EXD3: variants seen among roughly 807,000 people sequenced by gnomAD.
The protein encoded by EXD3 is exonuclease 3'-5' domain containing 3.
In EXD3, 92 loss-of-function variants were observed where a neutral mutation model predicts 98.0. The observed-to-expected ratio is 0.94, with a 90% CI of 0.79 to 1.12. The LOEUF (loss-of-function observed/expected upper bound fraction) is 1.12, where lower values mean the gene tolerates loss of function less well. EXD3 is among the 50% of genes most tolerant of loss of function. The pLI, the probability that EXD3 is intolerant of heterozygous loss-of-function variation, is 0.00. For synonymous variants in EXD3, 569 were observed against 526.0 expected (o/e 1.08, Z -1.12); for missense variants, 1,222 against 1,191.6 (o/e 1.03, Z -0.38).
chr9:137,310,581 G>C (rs1831305989), intron 19 of EXD3, among the ~76,000 whole-genome samples: 1 of 152,202 alleles, frequency 6.6e-6, no homozygotes, highest in Non-Finnish European at 1.5e-5. Flanking sequence ...GATGCTGGGG[G>C]TGGGGGCAGG....
At chr9:137,365,916 CAT>C in intron 7 of EXD3, 3 of 420,476 alleles carry the variant, frequency 7.1e-6, no homozygotes, top group South Asian at 3.7e-5. Flanking sequence ...CATGCACACA[CAT>C]GCACACCTAC....
intron 1 of EXD3, among the ~76,000 whole-genome samples, chr9:137,421,229 C>T (rs1343854076): frequency 1.3e-5 from 2 of 152,208 alleles, no homozygotes; most frequent in African/African-American, 4.8e-5. Flanking sequence ...AGCACATTAC[C>T]TGTCTGATGT....
chr9:137,307,216 AGGGGCGGTCATAGGTGCAG>A lies in EXD3; in HGVS notation c.2346_2364del (p.Cys783AlafsTer33). ...AGGTCAGCCATCTGCAGCCAGCGGC[AGGGGCGGTCATAGGTGCAG>A]CCCTCAGGGGCTGCGTCTGGGGCTG... On this transcript the variant is annotated frameshift_variant, in exon 22 of 22. Coordinates refer to ENST00000340951, the MANE Select transcript of EXD3 (RefSeq NM_017820.5). LOFTEE classifies it low-confidence loss of function (END_TRUNC). The A allele has an allele frequency of 1.3e-6, 2 of 1,574,798 alleles. No homozygotes were observed. The highest frequency in any genetic ancestry group is 1.7e-6 in the Non-Finnish European group (2 of 1,160,418).
At position 137,422,112 on chromosome 9, in the gene EXD3, TAAAAAAAAA is replaced by T. The variant is rs35073810; in HGVS notation, c.-48+993_-48+1001del. Among the ~76,000 whole-genome samples, 96 of 119,478 alleles carry T rather than the reference TAAAAAAAAA, an allele frequency of 8.0e-4. 1 individual carries two copies. The highest frequency in any genetic ancestry group is 2.8e-3 in the African/African-American group (91 of 32,266). The allele number at this position is 119,478 out of a possible 152,430, so 78.4% of individuals were successfully genotyped here. A position where few individuals can be genotyped will look rare whatever the true frequency, so the allele number is the denominator to read the frequency against. On this transcript the variant is annotated intron_variant, in intron 1 of 21. Transcript: ENST00000340951. ...ATTCCAATTCAGTTTGTGGTGTTCT[TAAAAAAAAA>T]AAAAAAAAAAAAACTCCCTGAAATG...
chr9:137,318,588 A>G (rs774286820), intron 19 of EXD3, among the ~76,000 whole-genome samples: 4 of 151,824 alleles, frequency 2.6e-5, no homozygotes, highest in Admixed American at 6.5e-5. Flanking sequence ...ATATTTTCCC[A>G]TGGTAGACGG....
chr9:137,341,206 A>G (rs1364515538), intron 17 of EXD3, among the ~76,000 whole-genome samples: 1 of 152,188 alleles, frequency 6.6e-6, no homozygotes, highest in Non-Finnish European at 1.5e-5. Context: ...GTTCCTGGCT[A>G]CTCAGGAGGC....
At chr9:137,415,652 T>C (rs1009629048) in intron 1 of EXD3, among the ~76,000 whole-genome samples, 1 of 152,212 alleles carries the variant, frequency 6.6e-6, no homozygotes, top group African/African-American at 2.4e-5. Context: ...CCATGGGCTC[T>C]GGGGAACCCT....
chr9:137,324,283 G>C lies in EXD3; in HGVS notation c.1999-140C>G. 1 of 681,980 alleles carries C rather than the reference G, an allele frequency of 1.5e-6. No individual in the cohort carries two copies. Among genetic ancestry groups the C allele is most frequent in the Non-Finnish European group, 2.5e-6 (1 of 395,014 alleles). The allele number at this position is 681,980 out of a possible 1,614,324, so 42.2% of individuals were successfully genotyped here. ...TTGTCCTCCAGGGTGGCCTCTGCCT[G>C]GGGTCTTGGGTGGTGAGGAGCCCTC... On this transcript the variant is annotated intron_variant, in intron 17 of 21. Coordinates refer to ENST00000340951, the MANE Select transcript of EXD3 (RefSeq NM_017820.5). This position sits in a 1 kb window ranked among gnomAD's most constrained non-coding sequence, Gnocchi z 4.1.
Position 137,335,379 on chromosome 9 carries a change from CATT to C in EXD3, c.1999-11239_1999-11237del, listed in dbSNP as rs565711388. ...ACCACCTTGCCCTAGCCAGAATAGA[CATT>C]ATTAAAATGTAAAAAAGACCAGGCG... On this transcript the variant is annotated intron_variant, in intron 17 of 21. Coordinates refer to ENST00000340951, the MANE Select transcript of EXD3 (RefSeq NM_017820.5). 2.1e-3 allele frequency among the ~76,000 whole-genome samples: 321 copies of C among 152,200 alleles called. 2 individuals are homozygous for C. The highest frequency in any genetic ancestry group is 7.5e-3 in the African/African-American group (310 of 41,536).
chr9:137,330,092 C>CA lies in EXD3; in HGVS notation c.1999-5950dup, dbSNP rs1832931553. ...ACACAGGAACTACACAGGAGCTACA[C>CA]AGGGCTCCACAGGAGCTACACAGGA... is the stretch of plus-strand genomic sequence containing the variant. On this transcript the variant is annotated intron_variant, in intron 17 of 21. Transcript: ENST00000340951. 4.6e-5 allele frequency among the ~76,000 whole-genome samples: 6 copies of CA among 131,590 alleles called. No individual in the cohort carries two copies. The Admixed American group carries it at 4.6e-4, about 10-fold the overall frequency. 86.3% of individuals were successfully genotyped at this position (131,590 alleles called of 152,430 possible).
At chr9:137,368,405 G>T (rs960151533) in intron 5 of EXD3, among the ~76,000 whole-genome samples, 3 of 152,208 alleles carry the variant, frequency 2.0e-5, no homozygotes, top group African/African-American at 7.2e-5. Flanking sequence ...TGCCTGCAGT[G>T]GACGGGCCAA....
At chr9:137,330,039 CGGAGCTACACGGGACTACACA>C (rs1428524279) in intron 17 of EXD3, among the ~76,000 whole-genome samples, 1 of 75,364 alleles carries the variant, frequency 1.3e-5, no homozygotes, top group African/African-American at 5.1e-5. Context: ...AGGACTACAC[CGGAGCTACACGGGACTACACA>C]GGAGCTACAC....
chr9:137,355,513 A>AGGGAGGAT (rs878966360), intron 8 of EXD3, among the ~76,000 whole-genome samples: 1 of 16,862 alleles, frequency 5.9e-5, no homozygotes, highest in Non-Finnish European at 1.3e-4. Flanking sequence ...GGAAGGAGGA[A>AGGGAGGAT]GGAGGAAGGA....
rs1370939752 is a variant in EXD3, at chr9:137,306,906, G to A, written c.*44C>T. Reference sequence around the variant, plus strand: ...ACATGTGAGCCAGTCCACGGCCATGGGCCCAGCAGTCGGGCACTTTCCATG... The same window carrying A: ...ACATGTGAGCCAGTCCACGGCCATGAGCCCAGCAGTCGGGCACTTTCCATG... On this transcript the variant is annotated 3_prime_UTR_variant, in exon 22 of 22. Coordinates refer to ENST00000340951, the MANE Select transcript of EXD3 (RefSeq NM_017820.5). The A allele has an allele frequency of 2.6e-6, 4 of 1,516,304 alleles. No homozygotes were observed. The highest frequency in any genetic ancestry group is 1.4e-5 in the African/African-American group (1 of 72,400). 93.9% of individuals were successfully genotyped at this position (1,516,304 alleles called of 1,614,324 possible). A position where few individuals can be genotyped will look rare whatever the true frequency, so the allele number is the denominator to read the frequency against.
chr9:137,330,716 T>C (rs1229265940), intron 17 of EXD3, among the ~76,000 whole-genome samples: 1 of 152,154 alleles, frequency 6.6e-6, no homozygotes, highest in Non-Finnish European at 1.5e-5. Flanking sequence ...TTCAAAGTTC[T>C]GTAGAGCTAC....
intron 19 of EXD3, among the ~76,000 whole-genome samples, chr9:137,318,328 C>T (rs1014605966): frequency 1.3e-5 from 2 of 152,148 alleles, no homozygotes; most frequent in South Asian, 2.1e-4. Flanking sequence ...CCGGCACCCC[C>T]CCTCGTCCCC....
At chr9:137,355,803 G>C (rs886577728) in intron 8 of EXD3, among the ~76,000 whole-genome samples, 6 of 152,110 alleles carry the variant, frequency 3.9e-5, no homozygotes, top group Non-Finnish European at 5.9e-5. Flanking sequence ...ACCCTCCTGA[G>C]ATTCAAGGGC....
rs1834263226 is a variant in EXD3, at chr9:137,350,903, C to A, written c.1494+135G>T. 3 of 698,430 alleles carry A rather than the reference C, an allele frequency of 4.3e-6. No individual in the cohort carries two copies. The African/African-American group carries it at 5.3e-5, about 12-fold the overall frequency. 43.3% of individuals were successfully genotyped at this position (698,430 alleles called of 1,614,324 possible). A position where few individuals can be genotyped will look rare whatever the true frequency, so the allele number is the denominator to read the frequency against. ...CTCTGCCAGGCTCTGCTCTGGGGCC[C>A]TGGTGACTGAGGCTGTGCTGACAGG... is the stretch of plus-strand genomic sequence containing the variant. On this transcript the variant is annotated intron_variant, in intron 14 of 21. Transcript: ENST00000340951.
intron 20 of EXD3, among the ~76,000 whole-genome samples, chr9:137,309,145 G>A (rs1045443556): frequency 2.0e-5 from 3 of 152,184 alleles, no homozygotes; most frequent in African/African-American, 4.8e-5. Flanking sequence ...GTCCTTGGGC[G>A]GCCTGCACCC....
Sources: gnomAD v4.1 joint callset for allele counts (sites outside exome capture counted in the v4.1 genomes callset) on GRCh38, gnomAD v4.1.1 for gene constraint, Gnocchi (gnomAD v3.1) non-coding constraint, MANE v1.5 for transcripts, NCBI Gene and HGNC (gene_info 2026-07-23, HGNC 2026-07-21) for gene names.